MYO1H: variants seen among roughly 807,000 people sequenced by gnomAD.
MYO1H encodes unconventional myosin-Ih.
Under a neutral mutation model 149.3 loss-of-function variants are expected in MYO1H, and 118 were observed. That is an observed-to-expected ratio of 0.79 (90% CI 0.68 to 0.92). MYO1H has a LOEUF of 0.92. MYO1H is among the 40% of genes least tolerant of loss of function. The probability of loss-of-function intolerance (pLI) is 0.00; values close to 1 mark genes in which losing one functional copy is unlikely to be tolerated. For missense variants in MYO1H, 1,212 were observed against 1,280.7 expected, an observed-to-expected ratio of 0.95 and a Z score of 0.82; for synonymous variants, 447 against 465.2, an observed-to-expected ratio of 0.96 and a Z score of 0.50.
At chr12:109,348,130 TA>T (rs1458038456) in intron 1 of MYO1H, among the ~76,000 whole-genome samples, 158 bp downstream of exon 1, 1 of 152,232 alleles carries the variant, frequency 6.6e-6, no homozygotes, top group African/African-American at 2.4e-5. Context: ...AATTCTATGT[TA>T]AGATGATCAT....
intron 1 of MYO1H, among the ~76,000 whole-genome samples, chr12:109,355,805 C>T (rs1286661784): frequency 6.6e-6 from 1 of 151,350 alleles, no homozygotes; most frequent in Non-Finnish European, 1.5e-5. Context: ...TGGCTCACTG[C>T]AACCTCTGAC....
At chr12:109,407,008 G>A in intron 9 of MYO1H, 148 bp downstream of exon 9, 1 of 654,340 alleles carries the variant, frequency 1.5e-6, no homozygotes, top group Non-Finnish European at 2.7e-6. Flanking sequence ...GGAGTGTCCT[G>A]CCTCATCTTC....
intron 13 of MYO1H, 97 bp downstream of exon 13, chr12:109,410,865 G>A: frequency 2.5e-6 from 2 of 811,646 alleles, no homozygotes; most frequent in Non-Finnish European, 4.0e-6. Context: ...AGCCAGGCCA[G>A]GCACGGTGGC....
intron 31 of MYO1H, 89 bp downstream of exon 31, chr12:109,445,701 G>A: frequency 6.0e-6 from 9 of 1,488,200 alleles, no homozygotes; most frequent in Non-Finnish European, 7.1e-6. Flanking sequence ...TAGATTGACT[G>A]GAATCATAAG....
the MYO1H span, among the ~76,000 whole-genome samples, chr12:109,341,206 A>AAAC: frequency 1.4e-5 from 2 of 140,246 alleles, no homozygotes; most frequent in African/African-American, 5.4e-5. Flanking sequence ...AAAAAAAAAA[A>AAAC]GCCAGATTTC....
At chr12:109,373,977 ACT>A (rs1869041063) in intron 1 of MYO1H, among the ~76,000 whole-genome samples, 2 of 152,166 alleles carry the variant, frequency 1.3e-5, no homozygotes, top group African/African-American at 4.8e-5. Flanking sequence ...ACAGAGTGAG[ACT>A]CTGTCTCAAA....
At chr12:109,433,514 G>A (rs1049686344) in intron 20 of MYO1H, among the ~76,000 whole-genome samples, 1 of 152,210 alleles carries the variant, frequency 6.6e-6, no homozygotes, top group African/African-American at 2.4e-5. Flanking sequence ...GGGAAGATCC[G>A]AGTCCGTCTT....
intron 6 of MYO1H, chr12:109,401,540 AC>A (rs1411295170): frequency 3.5e-5 from 12 of 345,262 alleles, no homozygotes; most frequent in Non-Finnish European, 5.3e-6. Flanking sequence ...CCCTTTAAAA[AC>A]ACAAATGCCT....
intron 19 of MYO1H, among the ~76,000 whole-genome samples, chr12:109,430,513 C>T (rs1871564763): frequency 6.6e-6 from 1 of 152,206 alleles, no homozygotes; most frequent in South Asian, 2.1e-4. Context: ...ACCCTATCTT[C>T]TCCAGCTTTC....
At position 109,406,014 on chromosome 12, in the gene MYO1H, T is replaced by A. The variant is rs752996948; in HGVS notation, c.942T>A (p.His314Gln). ...GCTGTGCCACTATCCCAGACACCCA[T>A]GAGATCAAGTGGATAGCCAAGGTGA... The change falls in exon 8 of 32, where the codon CAT becomes CAA. Residue 314 changes from histidine (H) to glutamine (Q), a missense_variant. By Grantham distance (24) the His-to-Gln change is conservative (BLOSUM62 0). Transcript: ENST00000310903. 6 of 1,612,308 alleles carry A rather than the reference T, an allele frequency of 3.7e-6. No homozygotes were observed. In the Admixed American group the frequency reaches 5.0e-5, roughly 13 times the overall value.
At chr12:109,434,233 C>T (rs1871762495) in intron 20 of MYO1H, among the ~76,000 whole-genome samples, 1 of 152,164 alleles carries the variant, frequency 6.6e-6, no homozygotes, top group Non-Finnish European at 1.5e-5. Flanking sequence ...TGGTCTCAAA[C>T]TCCTGACCTC....
intron 14 of MYO1H, among the ~76,000 whole-genome samples, chr12:109,414,488 A>AG (rs1159370277): frequency 1.3e-5 from 2 of 151,356 alleles, no homozygotes; most frequent in Non-Finnish European, 2.9e-5. Context: ...AAAAAAAAAA[A>AG]AAAAAGAAAG....
chr12:109,424,355 T>C (rs973863863), intron 16 of MYO1H, among the ~76,000 whole-genome samples: 21 of 152,152 alleles, frequency 1.4e-4, no homozygotes, highest in African/African-American at 4.8e-4. Context: ...GGTTTTGCCA[T>C]GTTGCCCAGG....
At chr12:109,332,754 A>T in the MYO1H span, among the ~76,000 whole-genome samples, 27 of 152,096 alleles carry the variant, frequency 1.8e-4, no homozygotes, top group African/African-American at 3.9e-4. Context: ...ATAATTAAAA[A>T]TTTTTATTGT....
chr12:109,352,414 A>C (rs1245811713), intron 1 of MYO1H, among the ~76,000 whole-genome samples: 1 of 152,092 alleles, frequency 6.6e-6, no homozygotes, highest in African/African-American at 2.4e-5. Context: ...AATTGTCTCC[A>C]TGGTCATAGA....
intron 5 of MYO1H, 54 bp downstream of exon 5, chr12:109,397,866 C>T (rs1200389072): frequency 3.4e-5 from 48 of 1,417,958 alleles, no homozygotes; most frequent in East Asian, 9.9e-5. Context: ...TTGCCAGTGA[C>T]GGAACCCAAG....
intron 9 of MYO1H, 134 bp downstream of exon 9, chr12:109,406,994 C>T (rs1870424995): frequency 1.4e-6 from 1 of 708,248 alleles, no homozygotes; most frequent in South Asian, 1.7e-5. Context: ...GGTCCAGCTC[C>T]TGTGGAGTGT....
At chr12:109,320,198 C>T in the MYO1H span, among the ~76,000 whole-genome samples, 1 of 151,870 alleles carries the variant, frequency 6.6e-6, no homozygotes, top group Non-Finnish European at 1.5e-5. Flanking sequence ...CCTGTAGTCC[C>T]AGCTGCTTGA....
intron 1 of MYO1H, among the ~76,000 whole-genome samples, chr12:109,381,307 G>A (rs560742163): frequency 1.3e-5 from 2 of 152,278 alleles, no homozygotes; most frequent in African/African-American, 4.8e-5. Flanking sequence ...CAGCTACTTG[G>A]GAAGCTGAGG....
Sources: gnomAD v4.1 joint callset for allele counts (sites outside exome capture counted in the v4.1 genomes callset) on GRCh38, gnomAD v4.1.1 for gene constraint, MANE v1.5 for transcripts, NCBI Gene and HGNC (gene_info 2026-07-23, HGNC 2026-07-21) for gene names.